Variants in PAQR3 observed in about 807,000 individuals in gnomAD.
The protein encoded by PAQR3 is Raf kinase trapping to Golgi.
A neutral mutation model predicts 41.7 loss-of-function variants in PAQR3; 39 were observed. The ratio of observed to expected loss-of-function variants is 0.93; its 90% CI spans 0.72 to 1.22. The LOEUF (loss-of-function observed/expected upper bound fraction) is 1.22, where lower values mean the gene tolerates loss of function less well. PAQR3 is among the 50% of genes most tolerant of loss of function. The probability of loss-of-function intolerance (pLI) is 0.00; values close to 1 mark genes in which losing one functional copy is unlikely to be tolerated. For synonymous variants in PAQR3, 140 were observed against 140.6 expected, an observed-to-expected ratio of 1.00 and a Z score of 0.03; for missense variants, 366 against 385.6, an observed-to-expected ratio of 0.95 and a Z score of 0.42.
chr4:78,930,177 C>A lies in PAQR3; in HGVS notation c.497G>T (p.Cys166Phe), dbSNP rs752831121. 4 of 1,608,854 alleles carry A rather than the reference C, an allele frequency of 2.5e-6. No homozygotes were observed. Among genetic ancestry groups the A allele is most frequent in the Non-Finnish European group, 2.5e-6 (3 of 1,178,478 alleles). ...YVSGVFYAFY[C>F]NNYWRQVYLI... is the part of the protein sequence containing the mutation. Reference sequence around the variant, plus strand: ...ATGTTTTCATCTACTTACGTTATTACAATAAAATGCGTAAAATACTCCTGA... The same window carrying A: ...ATGTTTTCATCTACTTACGTTATTAAAATAAAATGCGTAAAATACTCCTGA... Residue 166 changes from cysteine to phenylalanine, a missense_variant, in exon 3 of 6, where the codon TGT becomes TTT. Cys to Phe is a radical substitution (Grantham distance 205). Transcript: ENST00000512733.
chr4:78,934,812 G>A (rs1191652922), intron 2 of PAQR3, among the ~76,000 whole-genome samples: 1 of 152,184 alleles, frequency 6.6e-6, no homozygotes, highest in Admixed American at 6.5e-5. Context: ...AGGCACTAGT[G>A]TTGTACTTCA....
intron 11 of PAQR3, among the ~76,000 whole-genome samples, chr4:78,893,265 C>T (rs973673522): frequency 3.3e-5 from 5 of 152,194 alleles, no homozygotes; most frequent in African/African-American, 4.8e-5. Flanking sequence ...AGTTTGATTA[C>T]GAGACTGCAA....
rs1312609776 is a variant in PAQR3 at position 78,916,957 on chromosome 4, AGTT to A, written c.*3579_*3581del. 5 of 151,788 alleles carry A rather than the reference AGTT, an allele frequency of 3.3e-5. No individual in the cohort carries two copies. Among genetic ancestry groups the A allele is most frequent in the Admixed American group, 3.3e-4 (5 of 15,202 alleles). The allele number at this position is 151,788 out of a possible 1,614,324, so 9.4% of individuals were successfully genotyped here. A position where few individuals can be genotyped will look rare whatever the true frequency, so the allele number is the denominator to read the frequency against. On this transcript the variant is annotated 3_prime_UTR_variant, in exon 6 of 6. Coordinates refer to ENST00000512733, the MANE Select transcript of PAQR3 (RefSeq NM_001040202.2). ...ATTTTTATGAATTAACTTTTTCTGA[AGTT>A]GTAACATTTATCTAAAGTTATGTGA...
downstream of PAQR3, chr4:78,910,873 G>GATT: frequency 6.2e-7 from 1 of 1,613,964 alleles, no homozygotes; most frequent in African/African-American, 1.3e-5. Flanking sequence ...TAATGATGAT[G>GATT]ATACTGAACC....
intron 11 of PAQR3, among the ~76,000 whole-genome samples, chr4:78,905,034 T>A (rs376847265): frequency 5.9e-5 from 9 of 152,048 alleles, no homozygotes; most frequent in East Asian, 5.8e-4. Context: ...AATATATGAA[T>A]GTATTCCTAT....
chr4:78,903,103 T>C (rs28665421), intron 11 of PAQR3, among the ~76,000 whole-genome samples: 10 of 152,058 alleles, frequency 6.6e-5, no homozygotes, highest in African/African-American at 2.4e-4. Context: ...AGGTATTGTA[T>C]TGTATTGTAT....
chr4:78,936,459 G>C (rs894973265), intron 1 of PAQR3, among the ~76,000 whole-genome samples: 56 of 152,272 alleles, frequency 3.7e-4, no homozygotes, highest in African/African-American at 1.2e-3. Flanking sequence ...TTGTAACAAT[G>C]AAAGTGAGAA....
Position 78,913,572 on chromosome 4 carries a change from A to T in PAQR3, c.*6967T>A, listed in dbSNP as rs146032053. On this transcript the variant is annotated 3_prime_UTR_variant, in exon 6 of 6. Transcript: ENST00000512733. ...TCAACTGGCACTCTCTTTGATTTTT[A>T]TATTTTAAATTAACTCTCTTCGATC... 1.3e-5 allele frequency: 2 copies of T among 152,136 alleles called. No homozygotes were observed. Among genetic ancestry groups the T allele is most frequent in the East Asian group, 3.9e-4 (2 of 5,192 alleles). The allele number at this position is 152,136 out of a possible 1,614,324, so 9.4% of individuals were successfully genotyped here. A position where few individuals can be genotyped will look rare whatever the true frequency, so the allele number is the denominator to read the frequency against.
chr4:78,922,453 C>A, intron 5 of PAQR3: 1 of 1,286,216 alleles, frequency 7.8e-7, no homozygotes, highest in Non-Finnish European at 1.0e-6. Context: ...GATAAATTTG[C>A]AGTTTAGATT....
chr4:78,932,978 T>C (rs954221213), intron 2 of PAQR3: 3 of 343,184 alleles, frequency 8.7e-6, no homozygotes, highest in Non-Finnish European at 1.7e-5. Context: ...TCGAAACTCC[T>C]TGGCATGATA....
At chr4:78,929,998 C>T (rs957266499) in intron 3 of PAQR3, among the ~76,000 whole-genome samples, 172 bp downstream of exon 3, 13 of 152,108 alleles carry the variant, frequency 8.5e-5, no homozygotes, top group Middle Eastern at 3.4e-3. Flanking sequence ...GAACTGATAA[C>T]AGATGTTAGA....
intron 5 of PAQR3, chr4:78,922,087 A>G: frequency 1.9e-6 from 2 of 1,038,250 alleles, no homozygotes; most frequent in Non-Finnish European, 2.3e-6. Context: ...CTATAAAGAA[A>G]ATACAGAATT....
chr4:78,935,327 C>T (rs1390015721), intron 1 of PAQR3, 44 bp from the exon 2 acceptor site: 3 of 1,566,784 alleles, frequency 1.9e-6, no homozygotes, highest in Non-Finnish European at 1.7e-6. Flanking sequence ...CATTGGCCAA[C>T]TTACTGTCAC....
At position 78,934,936 on chromosome 4, in the gene PAQR3, G is replaced by A. The variant is rs116738360; in HGVS notation, c.348+185C>T. On this transcript the variant is annotated intron_variant, in intron 2 of 5. Transcript: ENST00000512733. ...TCTTCTCAATCTTTGTAATTTAATG[G>A]ATTTCAAACATACTCTCATAAGAAC... Among the ~76,000 whole-genome samples, 1,249 of 152,228 alleles carry A rather than the reference G, an allele frequency of 8.2e-3. 8 individuals are homozygous for A. The highest frequency in any genetic ancestry group is 0.02 in the Middle Eastern group (6 of 294).
In PAQR3 at chr4:78,927,608, G is replaced by T. The variant is rs374376689; in HGVS notation, c.505-890C>A. 2.0e-4 allele frequency among the ~76,000 whole-genome samples: 31 copies of T among 152,388 alleles called. 1 individual carries two copies. The highest frequency in any genetic ancestry group is 7.2e-4 in the African/African-American group (30 of 41,592). ...AGCCTGACTGTTTTTGGCCTGAAAG[G>T]CCACATAAATGGCTTCTATTAATGA... is the stretch of plus-strand genomic sequence containing the variant. On this transcript the variant is annotated intron_variant, in intron 3 of 5. Coordinates refer to ENST00000512733, the MANE Select transcript of PAQR3 (RefSeq NM_001040202.2).
chr4:78,932,175 C>T (rs62308013), intron 2 of PAQR3, among the ~76,000 whole-genome samples: 10,256 of 152,198 alleles, frequency 0.067, 465 homozygotes, highest in East Asian at 0.22. Flanking sequence ...TATTCAATAA[C>T]AATGTACTTT....
chr4:78,922,870 C>A (rs1451158352), intron 5 of PAQR3: 1 of 455,200 alleles, frequency 2.2e-6, no homozygotes, highest in African/African-American at 2.0e-5. Flanking sequence ...GGGTCTTGAA[C>A]CCAAGCAGTC....
At chr4:78,908,910 C>T (rs540698981), downstream of PAQR3, among the ~76,000 whole-genome samples, 92 of 152,162 alleles carry the variant, frequency 6.0e-4, no homozygotes, top group Admixed American at 6.0e-3. Context: ...AATGGTGCTG[C>T]CATCCACCAA....
intron 11 of PAQR3, among the ~76,000 whole-genome samples, chr4:78,895,290 A>G (rs939781606): frequency 6.6e-6 from 1 of 152,212 alleles, no homozygotes; most frequent in African/African-American, 2.4e-5. Context: ...GTACACCTGT[A>G]TTTAATTTTA....
Sources: gnomAD v4.1 joint callset for allele counts (sites outside exome capture counted in the v4.1 genomes callset) on GRCh38, gnomAD v4.1.1 for gene constraint, MANE v1.5 for transcripts, NCBI Gene and HGNC (gene_info 2026-07-23, HGNC 2026-07-21) for gene names.